The following ADAM11 variants were observed in gnomAD, a reference collection of about 807,000 sequenced individuals.
ADAM11 encodes the protein disintegrin and metalloproteinase domain-containing protein 11.
ADAM11 carries 49 observed loss-of-function variants against 119.1 expected under a neutral mutation model. The ratio of observed to expected loss-of-function variants is 0.41; its 90% CI spans 0.33 to 0.52. ADAM11 has a LOEUF of 0.52. Ranked by LOEUF, ADAM11 falls within the 20% of genes least tolerant of loss-of-function variation. The pLI is 0.20. For missense variants in ADAM11, 777 were observed against 1,047.5 expected (o/e 0.74, Z 3.56); for synonymous variants, 364 against 408.0 (o/e 0.89, Z 1.30).
In ADAM11 at chr17:44,776,698, C is replaced by G; in HGVS notation, c.1567-47C>G. ...CATTCCTCCCTGGGGCAGCCCTCAG[C>G]TCCAGTCCTGGGACTGCTCCGCTCA... is the stretch of plus-strand genomic sequence containing the variant. On this transcript the variant is annotated intron_variant, in intron 18 of 26. Transcript: ENST00000200557. The surrounding 1 kb of genome is among the most constrained non-coding windows in gnomAD (Gnocchi z 5.2). 1.9e-6 allele frequency: 3 copies of G among 1,607,828 alleles called. No individual in the cohort carries two copies. The highest frequency in any genetic ancestry group is 2.6e-6 in the Non-Finnish European group (3 of 1,176,142).
Position 44,775,784 on chromosome 17 carries a change from G to T in ADAM11, c.1485+108G>T. On this transcript the variant is annotated intron_variant, in intron 17 of 26. Coordinates refer to ENST00000200557, the MANE Select transcript of ADAM11 (RefSeq NM_002390.6). This position sits in a 1 kb window ranked among gnomAD's most constrained non-coding sequence, Gnocchi z 7.5. ...GGGAAGCGGAGCCTTCGGGGACGAA[G>T]GCCTCTGGGGCAGGGCTTGATGCGA... 1 of 1,159,772 alleles carries T rather than the reference G, an allele frequency of 8.6e-7. No individual in the cohort carries two copies. The highest frequency in any genetic ancestry group is 1.2e-6 in the Non-Finnish European group (1 of 832,308). The allele number at this position is 1,159,772 out of a possible 1,614,324, so 71.8% of individuals were successfully genotyped here.
chr17:44,776,058 GA>G lies in ADAM11; in HGVS notation c.1486-68del, dbSNP rs981588409. 2.5e-5 allele frequency: 39 copies of G among 1,570,616 alleles called. No individual in the cohort carries two copies. The highest frequency in any genetic ancestry group is 4.1e-5 in the African/African-American group (3 of 74,060). On this transcript the variant is annotated intron_variant, in intron 17 of 26. Transcript: ENST00000200557. The surrounding 1 kb of genome is among the most constrained non-coding windows in gnomAD (Gnocchi z 5.2). ...CCGGGGATGTGGGGGTCCAGAGAGC[GA>G]GGGGCCTGGGGAGGGCAGGGCCGAG...
intron 2 of ADAM11, among the ~76,000 whole-genome samples, chr17:44,765,148 G>T (rs1444969746): frequency 6.7e-6 from 1 of 148,756 alleles, no homozygotes. Flanking sequence ...CATTGCCTGG[G>T]AATCCCGCTG....
At chr17:44,759,334 G>A (rs1567685552) in intron 1 of ADAM11, 74 bp downstream of exon 1, 1 of 1,327,286 alleles carries the variant, frequency 7.5e-7, no homozygotes, top group Non-Finnish European at 9.6e-7. Flanking sequence ...TGCTGCTGCA[G>A]CCACCTTTTC....
In ADAM11 at chr17:44,777,927, T is replaced by A. The variant is rs1387950632; in HGVS notation, c.2071-25T>A. The A allele has an allele frequency of 1.2e-6, 2 of 1,613,638 alleles. No homozygotes were observed. Among genetic ancestry groups the A allele is most frequent in the Non-Finnish European group, 1.7e-6 (2 of 1,179,836 alleles). On this transcript the variant is annotated intron_variant, in intron 23 of 26. Transcript: ENST00000200557. The surrounding 1 kb of genome is among the most constrained non-coding windows in gnomAD (Gnocchi z 5.1). The stretch of plus-strand genomic sequence containing the variant: ...AAGAGGGGACAGGCCCCTGCTCACC[T>A]CTCCTGGCCCTGCCCTGCCTCTAGG...
chr17:44,762,960 C>T (rs902755602), intron 2 of ADAM11, among the ~76,000 whole-genome samples: 3 of 147,504 alleles, frequency 2.0e-5, no homozygotes, highest in Non-Finnish European at 4.5e-5. Context: ...GTGAGACTCC[C>T]GTCTCTACCA....
At position 44,774,490 on chromosome 17, in the gene ADAM11, A is replaced by C. The variant is rs755576619; in HGVS notation, c.1078-2A>C. ...TCTGTGCCCCATCTTCCCCACCCCC[A>C]GTACGGCAACATGGGGGCGATGGCC... On this transcript the variant is annotated splice_acceptor_variant, in intron 12 of 26. Coordinates refer to ENST00000200557, the MANE Select transcript of ADAM11 (RefSeq NM_002390.6). LOFTEE classifies it high-confidence loss of function. The C allele has an allele frequency of 6.2e-7, 1 of 1,612,726 alleles. No individual in the cohort carries two copies. The highest frequency in any genetic ancestry group is 8.5e-7 in the Non-Finnish European group (1 of 1,179,570).
chr17:44,762,812 G>C (rs570864366), intron 2 of ADAM11, among the ~76,000 whole-genome samples: 1 of 152,184 alleles, frequency 6.6e-6, no homozygotes, highest in South Asian at 2.1e-4. Context: ...GTGGGGGTGC[G>C]ACTGGGACAG....
chr17:44,766,067 C>T (rs988319510), intron 2 of ADAM11, among the ~76,000 whole-genome samples: 1 of 152,146 alleles, frequency 6.6e-6, no homozygotes, highest in South Asian at 2.1e-4. Flanking sequence ...AACTAAAGGT[C>T]GCCCACCTGA....
chr17:44,777,308 G>C lies in ADAM11; in HGVS notation c.1781+43G>C. ...CAGAGGGCCTCTCAGCTCCAGGGCA[G>C]GTGTGAGACTTTTCAGAGATGGGGC... On this transcript the variant is annotated intron_variant, in intron 21 of 26. Coordinates refer to ENST00000200557, the MANE Select transcript of ADAM11 (RefSeq NM_002390.6). The surrounding 1 kb of genome is among the most constrained non-coding windows in gnomAD (Gnocchi z 5.1). The C allele has an allele frequency of 1.9e-6, 3 of 1,569,114 alleles. No homozygotes were observed. The highest frequency in any genetic ancestry group is 2.6e-6 in the Non-Finnish European group (3 of 1,155,792).
At position 44,776,297 on chromosome 17, in the gene ADAM11, C is replaced by CGT; in HGVS notation, c.1566+90_1566+91insGT. On this transcript the variant is annotated intron_variant, in intron 18 of 26. Transcript: ENST00000200557. This position sits in a 1 kb window ranked among gnomAD's most constrained non-coding sequence, Gnocchi z 5.2. ...TTTTCCCGGACGAGTGCTCAGCACT[C>CGT]CCCTCCTCTCCACAGCTGGCATCGA... 4 of 1,376,340 alleles carry CGT rather than the reference C, an allele frequency of 2.9e-6. No individual in the cohort carries two copies. Among genetic ancestry groups the CGT allele is most frequent in the Non-Finnish European group, 4.1e-6 (4 of 976,756 alleles). 85.3% of individuals were successfully genotyped at this position (1,376,340 alleles called of 1,614,324 possible). A position where few individuals can be genotyped will look rare whatever the true frequency, so the allele number is the denominator to read the frequency against.
intron 26 of ADAM11, 103 bp downstream of exon 26, chr17:44,779,342 G>A: frequency 6.8e-7 from 1 of 1,481,228 alleles, no homozygotes; most frequent in South Asian, 1.4e-5. Flanking sequence ...TCTGTTGATG[G>A]GGAGCGGGGG....
chr17:44,760,804 A>T (rs945968123), intron 2 of ADAM11, among the ~76,000 whole-genome samples: 1 of 152,032 alleles, frequency 6.6e-6, no homozygotes, highest in Non-Finnish European at 1.5e-5. Flanking sequence ...GGAGGCTAAC[A>T]TTACGGACAT....
At position 44,780,197 on chromosome 17, in the gene ADAM11, C is replaced by T; in HGVS notation, c.*443C>T. ...GGGCTGACATCTACATTTTTTAAAA[C>T]TGAATCTTAATCGATGAATGTAAAC... is the stretch of plus-strand genomic sequence containing the variant. On this transcript the variant is annotated 3_prime_UTR_variant, in exon 27 of 27. Coordinates refer to ENST00000200557, the MANE Select transcript of ADAM11 (RefSeq NM_002390.6). 1 of 477,494 alleles carries T rather than the reference C, an allele frequency of 2.1e-6. No homozygotes were observed. The highest frequency in any genetic ancestry group is 4.0e-6 in the Non-Finnish European group (1 of 247,036). The allele number at this position is 477,494 out of a possible 1,614,324, so 29.6% of individuals were successfully genotyped here.
intron 25 of ADAM11, among the ~76,000 whole-genome samples, chr17:44,778,728 AAGAAAAGAAAAG>A (rs1200915777): frequency 1.3e-5 from 2 of 148,720 alleles, no homozygotes; most frequent in African/African-American, 4.9e-5. Flanking sequence ...GAAAGAGAGA[AAGAAAAGAAAAG>A]AGAAAAGAAA....
chr17:44,775,376 C>T lies in ADAM11; in HGVS notation c.1321-18C>T, dbSNP rs1471249163. 5 of 1,612,820 alleles carry T rather than the reference C, an allele frequency of 3.1e-6. No homozygotes were observed. The highest frequency in any genetic ancestry group is 2.5e-6 in the Non-Finnish European group (3 of 1,179,766). On this transcript the variant is annotated intron_variant, in intron 15 of 26. Transcript: ENST00000200557. This position sits in a 1 kb window ranked among gnomAD's most constrained non-coding sequence, Gnocchi z 7.5. ...GGCGGGGTCCGGGCCAGACTCCCGA[C>T]CTGTCCTCCCGGTCCAGCTCCTGGA... is the stretch of plus-strand genomic sequence containing the variant.
In ADAM11 at chr17:44,777,941, C is replaced by T. The variant is rs1383986087; in HGVS notation, c.2071-11C>T. On this transcript the variant is annotated splice_polypyrimidine_tract_variant and intron_variant, in intron 23 of 26. Coordinates refer to ENST00000200557, the MANE Select transcript of ADAM11 (RefSeq NM_002390.6). This position sits in a 1 kb window ranked among gnomAD's most constrained non-coding sequence, Gnocchi z 5.1. ...CCCTGCTCACCTCTCCTGGCCCTGC[C>T]CTGCCTCTAGGTCTGCAGCAATGAA... The T allele has an allele frequency of 6.2e-7, 1 of 1,613,812 alleles. No individual in the cohort carries two copies. Among genetic ancestry groups the T allele is most frequent in the Non-Finnish European group, 8.5e-7 (1 of 1,179,944 alleles).
chr17:44,766,135 G>A (rs2049447564), intron 2 of ADAM11, among the ~76,000 whole-genome samples: 1 of 152,210 alleles, frequency 6.6e-6, no homozygotes, highest in Admixed American at 6.5e-5. Flanking sequence ...AGGCCCAGAG[G>A]TGGAGGGCGC....
At position 44,777,339 on chromosome 17, in the gene ADAM11, G is replaced by T; in HGVS notation, c.1781+74G>T. 1.3e-6 allele frequency: 2 copies of T among 1,543,022 alleles called. No individual in the cohort carries two copies. The highest frequency in any genetic ancestry group is 1.2e-5 in the South Asian group (1 of 84,040). On this transcript the variant is annotated intron_variant, in intron 21 of 26. Coordinates refer to ENST00000200557, the MANE Select transcript of ADAM11 (RefSeq NM_002390.6). The surrounding 1 kb of genome is among the most constrained non-coding windows in gnomAD (Gnocchi z 5.1). ...AGACTTTTCAGAGATGGGGCAGCAG[G>T]TTCTCCCAGGAGGAGCCTGTCAGTC...
Sources: gnomAD v4.1 joint callset for allele counts (sites outside exome capture counted in the v4.1 genomes callset) on GRCh38, gnomAD v4.1.1 for gene constraint, Gnocchi (gnomAD v3.1) non-coding constraint, MANE v1.5 for transcripts, NCBI Gene and HGNC (gene_info 2026-07-23, HGNC 2026-07-21) for gene names.